The following PALLD variants were observed in gnomAD, a reference collection of about 807,000 sequenced individuals.
PALLD encodes the protein palladin, cytoskeletal associated protein.
In PALLD, 61 loss-of-function variants were observed where a neutral mutation model predicts 123.5. That is an observed-to-expected ratio of 0.49 (90% CI 0.40 to 0.61). PALLD has a LOEUF of 0.61. Among genes scored for constraint, PALLD ranks in the 20% least tolerant of loss-of-function variants. PALLD has a pLI of 0.00. For synonymous variants in PALLD, 465 were observed against 496.4 expected (o/e 0.94, Z 0.84); for missense variants, 1,273 against 1,377.0 (o/e 0.92, Z 1.20).
At chr4:168,523,917 C>G (rs1448326180) in intron 2 of PALLD, among the ~76,000 whole-genome samples, 1 of 152,082 alleles carries the variant, frequency 6.6e-6, no homozygotes, top group Non-Finnish European at 1.5e-5. Context: ...AACACTGAAC[C>G]CTCACGAAAG....
At chr4:168,903,984 AAAGGTG>A in intron 15 of PALLD, 78 bp downstream of exon 15, 1 of 1,340,508 alleles carries the variant, frequency 7.5e-7, no homozygotes, top group Non-Finnish European at 1.1e-6. Flanking sequence ...GAACTATTTA[AAAGGTG>A]AAGTTAAGAA....
rs536593466 is a variant in PALLD, at chr4:168,889,808, G to A, written c.1965-1114G>A. On this transcript the variant is annotated intron_variant, in intron 10 of 21. Transcript: ENST00000505667. ...CTGAATTTGTGATTCAGTAGGTCTG[G>A]AGTGATGCCAAAAATCTGCATTTCT... 7.9e-5 allele frequency among the ~76,000 whole-genome samples: 12 copies of A among 152,306 alleles called. No homozygotes were observed. In the East Asian group the frequency reaches 2.3e-3, roughly 29 times the overall value.
At position 168,890,860 on chromosome 4, in the gene PALLD, C is replaced by T. The variant is rs747735287; in HGVS notation, c.1965-62C>T. 107 of 1,571,428 alleles carry T rather than the reference C, an allele frequency of 6.8e-5. No homozygotes were observed. The African/African-American group carries it at 8.6e-4, about 13-fold the overall frequency. ...TTGCACTGTCTTTGTTGGACTTGAA[C>T]GTTTGACTTGGATTTATATGCCTGA... On this transcript the variant is annotated intron_variant, in intron 10 of 21. Transcript: ENST00000505667.
At chr4:168,588,596 C>T (rs965838113) in intron 2 of PALLD, among the ~76,000 whole-genome samples, 4 of 151,916 alleles carry the variant, frequency 2.6e-5, no homozygotes, top group South Asian at 2.1e-4. Context: ...TTAGTAGAGA[C>T]GAGATTTTGC....
At chr4:168,767,465 A>G (rs1733826301) in intron 10 of PALLD, among the ~76,000 whole-genome samples, 1 of 152,188 alleles carries the variant, frequency 6.6e-6, no homozygotes, top group African/African-American at 2.4e-5. Context: ...GGCTAATACC[A>G]GTAAATTATT....
chr4:168,670,564 T>G (rs916248808), intron 3 of PALLD, among the ~76,000 whole-genome samples: 7 of 147,612 alleles, frequency 4.7e-5, no homozygotes, highest in Middle Eastern at 3.8e-3. Context: ...AAACCCCGTC[T>G]CTACTAAAAA....
intron 10 of PALLD, among the ~76,000 whole-genome samples, chr4:168,799,678 A>G (rs1323771653): frequency 1.2e-4 from 19 of 152,200 alleles, no homozygotes; most frequent in Admixed American, 1.3e-4. Flanking sequence ...ATAATTGACA[A>G]TCAGCACTTC....
chr4:168,615,010 G>T (rs28626215), intron 2 of PALLD, among the ~76,000 whole-genome samples: 1 of 152,188 alleles, frequency 6.6e-6, no homozygotes, highest in African/African-American at 2.4e-5. Flanking sequence ...ATAAGCCCCA[G>T]TGCATGGATA....
intron 10 of PALLD, among the ~76,000 whole-genome samples, chr4:168,807,483 C>T (rs1740392059): frequency 6.6e-6 from 1 of 152,086 alleles, no homozygotes; most frequent in Admixed American, 6.5e-5. Context: ...GATCTGGGCT[C>T]ACTGCGACCT....
Position 168,590,864 on chromosome 4 carries a change from G to GTT in PALLD, c.909-77295_909-77294dup, listed in dbSNP as rs371992201. Among the ~76,000 whole-genome samples, 82 of 70,184 alleles carry GTT rather than the reference G, an allele frequency of 1.2e-3. 1 individual carries two copies. The highest frequency in any genetic ancestry group is 1.5e-3 in the Non-Finnish European group (61 of 39,580). 46.0% of individuals were successfully genotyped at this position (70,184 alleles called of 152,430 possible). A position where few individuals can be genotyped will look rare whatever the true frequency, so the allele number is the denominator to read the frequency against. ...CTTTACTCAGAAGGGGACCTAGAAA[G>GTT]TTTTTTTTTTTTTTTTTTTTTTTTT... On this transcript the variant is annotated intron_variant, in intron 2 of 21. Transcript: ENST00000505667.
chr4:168,738,451 G>C (rs1787977082), intron 10 of PALLD, among the ~76,000 whole-genome samples: 1 of 151,590 alleles, frequency 6.6e-6, no homozygotes, highest in African/African-American at 2.4e-5. Flanking sequence ...ATTCTTTTGA[G>C]ATGTAATCTC....
intron 2 of PALLD, among the ~76,000 whole-genome samples, chr4:168,597,533 C>A (rs1306540127): frequency 1.3e-5 from 2 of 152,052 alleles, no homozygotes; most frequent in Non-Finnish European, 2.9e-5. Context: ...TAGCTCTCTA[C>A]TAACTTTTCC....
chr4:168,559,409 G>GTA (rs70961533), intron 2 of PALLD, among the ~76,000 whole-genome samples: 56,251 of 151,852 alleles, frequency 0.37, 10,649 homozygotes, highest in East Asian at 0.65. Flanking sequence ...GAAACTATTT[G>GTA]CTCATGAACG....
intron 10 of PALLD, among the ~76,000 whole-genome samples, chr4:168,883,254 T>C (rs1752879026): frequency 6.6e-6 from 1 of 152,228 alleles, no homozygotes; most frequent in Non-Finnish European, 1.5e-5. Context: ...TGCTTTACCG[T>C]AAAATTCAGT....
At chr4:168,718,942 C>G (rs1157790152) in intron 10 of PALLD, among the ~76,000 whole-genome samples, 1 of 143,382 alleles carries the variant, frequency 7.0e-6, no homozygotes, top group African/African-American at 2.6e-5. Context: ...GAGTCTCGCT[C>G]TGTTGCCCAG....
intron 10 of PALLD, among the ~76,000 whole-genome samples, chr4:168,848,810 A>G (rs1046724262): frequency 6.6e-6 from 1 of 152,190 alleles, no homozygotes; most frequent in Non-Finnish European, 1.5e-5. Flanking sequence ...TCTAAACTTT[A>G]CCAATCTCAA....
At chr4:168,608,248 A>G (rs951306193) in intron 2 of PALLD, among the ~76,000 whole-genome samples, 1 of 152,182 alleles carries the variant, frequency 6.6e-6, no homozygotes, top group African/African-American at 2.4e-5. Context: ...ATGCTTTATA[A>G]CTAAAGTGGT....
intron 11 of PALLD, among the ~76,000 whole-genome samples, chr4:168,891,835 A>C (rs574618135): frequency 6.6e-6 from 1 of 152,158 alleles, no homozygotes; most frequent in African/African-American, 2.4e-5. Context: ...CATGGTATGT[A>C]CTACTTACAC....
intron 2 of PALLD, among the ~76,000 whole-genome samples, chr4:168,664,335 C>G (rs78272160): frequency 0.017 from 2,539 of 152,118 alleles, 53 homozygotes; most frequent in African/African-American, 0.051. Flanking sequence ...TGAAATATAC[C>G]TTAATACTGG....
Sources: allele counts gnomAD v4.1 joint callset (sites outside exome capture counted in the v4.1 genomes callset), GRCh38; gene constraint gnomAD v4.1.1; transcripts MANE v1.5; gene names NCBI Gene and HGNC (gene_info 2026-07-23, HGNC 2026-07-21).